Variants in ZNF75D observed in about 807,000 individuals in gnomAD.
The protein encoded by ZNF75D is zinc finger protein 75D.
ZNF75D carries 33 observed loss-of-function variants against 33.3 expected under a neutral mutation model. The ratio of observed to expected loss-of-function variants is 0.99; its 90% CI spans 0.75 to 1.32. The LOEUF is 1.32. ZNF75D is among the 40% of genes most tolerant of loss of function. The pLI is 0.00. For missense variants in ZNF75D, 338 were observed against 367.5 expected (o/e 0.92, Z 0.66); for synonymous variants, 113 against 130.6 (o/e 0.87, Z 0.92).
At chrX:135,259,145 T>C (rs1357996863) in intron 1 of ZNF75D, among the ~76,000 whole-genome samples, 2 of 111,704 alleles carry the variant, frequency 1.8e-5, no homozygotes, top group Admixed American at 9.5e-5. Context: ...TTCTGTTCCA[T>C]TGGTCTATAT....
intron 1 of ZNF75D, among the ~76,000 whole-genome samples, chrX:135,305,990 A>C (rs1158810502): frequency 9.0e-6 from 1 of 111,443 alleles, no homozygotes; most frequent in East Asian, 2.8e-4. Flanking sequence ...CCTGTGGTAT[A>C]GAGATGGGTC....
chrX:135,261,130 G>A lies in ZNF75D; in HGVS notation n.828-5353C>T, dbSNP rs188823399. ...TTTTGAGTCAGTTTCTGAATTCTGA[G>A]TTCTAATTTGATTGCACTGTGGTCT... On this transcript the variant is annotated intron_variant and non_coding_transcript_variant, in intron 1 of 3. Transcript: ENST00000494295. Among the ~76,000 whole-genome samples the A allele has an allele frequency of 2.1e-4, 24 of 112,629 alleles. 1 individual carries two copies. Among genetic ancestry groups the A allele is most frequent in the African/African-American group, 7.1e-4 (22 of 30,995 alleles).
Position 135,291,082 on chromosome X carries a change from T to C in ZNF75D, c.750A>G (p.Gln250=), listed in dbSNP as rs1415966185. 3 of 1,207,912 alleles carry C rather than the reference T, an allele frequency of 2.5e-6. No homozygotes were observed. The highest frequency in any genetic ancestry group is 1.8e-5 in the South Asian group (1 of 56,823). ...GAGTCTTCTCAAGAGGATTCAATAA[T>C]TGCCACTCTTCCTCAGAAAAATACA... ...VAVYFSEEEW[Q]LLNPLEKTLY... is the part of the protein sequence containing the mutation. The change falls in exon 6 of 7, where the codon CAA becomes CAG. Residue 250 remains glutamine, a synonymous_variant. Transcript: ENST00000370766.
chrX:135,268,429 T>A (rs1434228223), intron 1 of ZNF75D, among the ~76,000 whole-genome samples: 1 of 109,513 alleles, frequency 9.1e-6, no homozygotes, highest in African/African-American at 3.3e-5. Flanking sequence ...AAAATCAATA[T>A]ACAAAAATCA....
chrX:135,313,181 T>C (rs1259764325), intron 1 of ZNF75D, among the ~76,000 whole-genome samples: 2 of 111,330 alleles, frequency 1.8e-5, no homozygotes, highest in Non-Finnish European at 3.8e-5. Context: ...TGGTTAGAGG[T>C]AGGGGTCTAA....
intron 6 of ZNF75D, 34 bp from the exon 7 acceptor site, chrX:135,287,880 GT>G: frequency 9.4e-7 from 1 of 1,059,941 alleles, no homozygotes; most frequent in Non-Finnish European, 1.3e-6. Flanking sequence ...AGCCATCTGT[GT>G]CCCAGTGAAA....
intron 1 of ZNF75D, among the ~76,000 whole-genome samples, chrX:135,341,262 T>C (rs782575412): frequency 8.9e-6 from 1 of 112,112 alleles, no homozygotes; most frequent in Non-Finnish European, 1.9e-5. Flanking sequence ...CAAAAATATA[T>C]ACTGCTAATT....
intron 1 of ZNF75D, chrX:135,298,500 A>G (rs1202641154): frequency 2.7e-5 from 3 of 111,741 alleles, no homozygotes; most frequent in African/African-American, 9.7e-5. Context: ...AGTAGATTCA[A>G]TTCTAAAATT....
chrX:135,318,805 C>G (rs1469976119), intron 1 of ZNF75D, among the ~76,000 whole-genome samples: 1 of 111,341 alleles, frequency 9.0e-6, no homozygotes, highest in Non-Finnish European at 1.9e-5. Context: ...GTATTTAGTA[C>G]AGGAGGTCAA....
chrX:135,314,791 T>C (rs140823049), intron 1 of ZNF75D, among the ~76,000 whole-genome samples: 1,136 of 112,165 alleles, frequency 0.01, 13 homozygotes, highest in African/African-American at 0.034. Flanking sequence ...TATGATGATC[T>C]TTTGTATTTC....
At chrX:135,320,358 G>A (rs1432002549) in intron 1 of ZNF75D, among the ~76,000 whole-genome samples, 1 of 110,561 alleles carries the variant, frequency 9.0e-6, no homozygotes, top group East Asian at 2.8e-4. Flanking sequence ...ATACTAATTG[G>A]CCTTTAGAGC....
chrX:135,282,287 C>A (rs1479555382), downstream of ZNF75D, among the ~76,000 whole-genome samples: 8 of 111,812 alleles, frequency 7.2e-5, no homozygotes, highest in African/African-American at 2.6e-4. Context: ...TTTGTTTATA[C>A]TGTGAGGAGA....
At chrX:135,335,876 C>T (rs1299190076) in intron 1 of ZNF75D, among the ~76,000 whole-genome samples, 1 of 111,987 alleles carries the variant, frequency 8.9e-6, no homozygotes, top group Non-Finnish European at 1.9e-5. Context: ...TATTCTCCCT[C>T]CCTCTTAAAG....
chrX:135,298,263 C>G (rs1420252143), intron 1 of ZNF75D: 1 of 111,336 alleles, frequency 9.0e-6, no homozygotes, highest in Non-Finnish European at 1.9e-5. Flanking sequence ...GTTACCTTCC[C>G]CCTCTCAAAT....
chrX:135,291,668 T>C lies in ZNF75D; in HGVS notation c.605-105A>G, dbSNP rs958064791. The C allele has an allele frequency of 1.0e-5, 11 of 1,086,741 alleles. No homozygotes were observed. The Admixed American group carries it at 3.1e-4, about 31-fold the overall frequency. 89.6% of individuals were successfully genotyped at this position (1,086,741 alleles called of 1,213,427 possible). ...TCAGGATGCCTTCAGTAAAGATGGG[T>C]CACATTGACAAGTGTGTGTGTGGTG... On this transcript the variant is annotated intron_variant, in intron 4 of 6. Transcript: ENST00000370766.
rs570366411 is a variant in ZNF75D at position 135,264,182 on chromosome X, G to A, written n.828-8405C>T. Among the ~76,000 whole-genome samples, 28 of 111,942 alleles carry A rather than the reference G, an allele frequency of 2.5e-4. No homozygotes were observed. The South Asian group carries it at 9.9e-3, about 40-fold the overall frequency. On this transcript the variant is annotated intron_variant and non_coding_transcript_variant, in intron 1 of 3. Coordinates refer to the ZNF75D transcript ENST00000494295. ...ACTTACACTCATAGCAGAAGGGGAA[G>A]CAAGCACATGGTGGAGCAGGAGAGA...
rs1008140181 is a variant in ZNF75D at position 135,296,367 on chromosome X, G to T, written c.-390-328C>A. 5.4e-5 allele frequency among the ~76,000 whole-genome samples: 6 copies of T among 111,935 alleles called. No homozygotes were observed. The East Asian group carries it at 1.4e-3, about 26-fold the overall frequency. ...TTGCCACGTATTGTGCATCCAGATT[G>T]TTCCTGCTGGCTTCCTGGCGGCTGG... is the stretch of plus-strand genomic sequence containing the variant. On this transcript the variant is annotated intron_variant, in intron 1 of 6. Transcript: ENST00000370766.
At chrX:135,322,559 CAGAT>C (rs2084510142) in intron 1 of ZNF75D, among the ~76,000 whole-genome samples, 1 of 111,876 alleles carries the variant, frequency 8.9e-6, no homozygotes, top group African/African-American at 3.3e-5. Flanking sequence ...GATAGATAGA[CAGAT>C]AGGATAGATA....
At chrX:135,288,653 A>G (rs2083992278) in intron 6 of ZNF75D, among the ~76,000 whole-genome samples, 1 of 112,420 alleles carries the variant, frequency 8.9e-6, no homozygotes. Context: ...TCATGGGGAA[A>G]AAGCTCTGTT....
Sources: allele counts gnomAD v4.1 joint callset (sites outside exome capture counted in the v4.1 genomes callset), GRCh38; gene constraint gnomAD v4.1.1; transcripts MANE v1.5; gene names NCBI Gene and HGNC (gene_info 2026-07-23, HGNC 2026-07-21).